Variants in CWC27 observed in about 807,000 individuals in gnomAD.
CWC27 encodes CWC27 spliceosome associated cyclophilin, also known as spliceosome-associated protein CWC27 homolog.
Under a neutral mutation model 63.6 loss-of-function variants are expected in CWC27, and 47 were observed. The ratio of observed to expected loss-of-function variants is 0.74; its 90% CI spans 0.58 to 0.94. The LOEUF (loss-of-function observed/expected upper bound fraction) is 0.94, where lower values mean the gene tolerates loss of function less well. Among genes scored for constraint, CWC27 ranks in the 40% least tolerant of loss-of-function variants. The pLI is 0.00. For synonymous variants in CWC27, 175 were observed against 179.8 expected (o/e 0.97, Z 0.22); for missense variants, 495 against 554.3 (o/e 0.89, Z 1.07).
At chr5:64,950,367 T>A (rs1403691015) in intron 11 of CWC27, among the ~76,000 whole-genome samples, 1 of 151,954 alleles carries the variant, frequency 6.6e-6, no homozygotes, top group African/African-American at 2.4e-5. Flanking sequence ...ATAAATTTTA[T>A]TATACTAGAA....
At chr5:64,792,362 A>C (rs1993626) in intron 7 of CWC27, among the ~76,000 whole-genome samples, 78,803 of 151,900 alleles carry the variant, frequency 0.52, 21,134 homozygotes, top group East Asian at 0.84. Flanking sequence ...TTTAGCAGAT[A>C]TGAATGATTT....
chr5:64,994,655 C>A (rs1338305266), intron 13 of CWC27, among the ~76,000 whole-genome samples: 3 of 152,044 alleles, frequency 2.0e-5, no homozygotes, highest in Admixed American at 6.6e-5. Context: ...TCTAGCTAGT[C>A]CCCTCCCCAC....
At chr5:64,990,129 G>A (rs1173477557) in intron 13 of CWC27, among the ~76,000 whole-genome samples, 1 of 151,936 alleles carries the variant, frequency 6.6e-6, no homozygotes, top group Non-Finnish European at 1.5e-5. Flanking sequence ...TCAACTGAAT[G>A]ATCAACTGCA....
chr5:64,953,176 A>C (rs1748742892), intron 11 of CWC27, among the ~76,000 whole-genome samples: 1 of 152,162 alleles, frequency 6.6e-6, no homozygotes, highest in Admixed American at 6.6e-5. Context: ...CTATTAAGAA[A>C]GAATCCAGTA....
chr5:64,937,921 C>CTTTTTTTTTTTTTTTTT (rs1211082437), intron 11 of CWC27, among the ~76,000 whole-genome samples: 18 of 99,298 alleles, frequency 1.8e-4, no homozygotes, highest in African/African-American at 8.0e-4. Context: ...GCAATCTCTG[C>CTTTTTTTTTTTTTTTTT]TTTTTTTTTT....
At chr5:64,891,242 CAATT>C (rs1304034827) in intron 11 of CWC27, among the ~76,000 whole-genome samples, 4 of 152,000 alleles carry the variant, frequency 2.6e-5, no homozygotes, top group Admixed American at 6.6e-5. Flanking sequence ...TCATTTTAAT[CAATT>C]AAAGATAAAG....
intron 11 of CWC27, among the ~76,000 whole-genome samples, chr5:64,916,509 C>T (rs919833306): frequency 6.6e-6 from 1 of 152,142 alleles, no homozygotes; most frequent in African/African-American, 2.4e-5. Context: ...TAAATAGTTA[C>T]ACTTTAGGAG....
rs1243826759 is a variant in CWC27 at position 64,804,386 on chromosome 5, G to A, written c.938G>A (p.Ser313Asn). ...GEVEKKSVSR[S>N]EELRKEARQL... Reference sequence around the variant, plus strand: ...GTGGAGAAGAAATCAGTCAGCCGCAGGTGAGTCAGTTACTGTGCTAGATAT... The same window carrying A: ...GTGGAGAAGAAATCAGTCAGCCGCAAGTGAGTCAGTTACTGTGCTAGATAT... Residue 313 changes from serine to asparagine, a missense_variant and splice_region_variant, in exon 10 of 14, where the codon AGT (serine) becomes AAT (asparagine). Transcript: ENST00000381070. 6.2e-7 allele frequency: 1 copy of A among 1,609,388 alleles called. No individual in the cohort carries two copies. Among genetic ancestry groups the A allele is most frequent in the South Asian group, 1.1e-5 (1 of 90,510 alleles).
At chr5:64,825,257 A>G (rs747873319) in intron 10 of CWC27, among the ~76,000 whole-genome samples, 1 of 152,174 alleles carries the variant, frequency 6.6e-6, no homozygotes, top group Non-Finnish European at 1.5e-5. Context: ...CCATGCTTAT[A>G]GTTTTGCATG....
At chr5:64,810,702 T>A (rs973720228) in intron 10 of CWC27, among the ~76,000 whole-genome samples, 1 of 152,116 alleles carries the variant, frequency 6.6e-6, no homozygotes, top group Non-Finnish European at 1.5e-5. Context: ...GCAATATACT[T>A]TATCAAAGCT....
intron 11 of CWC27, among the ~76,000 whole-genome samples, chr5:64,915,856 T>C (rs1385682884): frequency 6.6e-6 from 1 of 152,198 alleles, no homozygotes; most frequent in Non-Finnish European, 1.5e-5. Context: ...TAAGAAAACC[T>C]GTATCATGGA....
intron 10 of CWC27, among the ~76,000 whole-genome samples, chr5:64,840,051 C>A (rs1052913346): frequency 6.6e-6 from 1 of 152,038 alleles, no homozygotes; most frequent in South Asian, 2.1e-4. Context: ...AGGCTCCCTG[C>A]CAGGGACATA....
At chr5:64,787,237 TTTG>T (rs1743920505) in intron 6 of CWC27, among the ~76,000 whole-genome samples, 1 of 152,068 alleles carries the variant, frequency 6.6e-6, no homozygotes, top group Admixed American at 6.6e-5. Flanking sequence ...TGTTTGTTTG[TTTG>T]TTTGTTTGTT....
rs556907883 is a variant in CWC27 at position 64,797,070 on chromosome 5, C to G, written c.670-3178C>G. Among the ~76,000 whole-genome samples the G allele has an allele frequency of 9.3e-5, 14 of 150,988 alleles. No homozygotes were observed. The East Asian group carries it at 2.7e-3, about 29-fold the overall frequency. ...CCAGATAACATAATTTTTCTGTGTC[C>G]CTCTGATTTTCATTTTTACATTTGT... On this transcript the variant is annotated intron_variant, in intron 7 of 13. Coordinates refer to ENST00000381070, the MANE Select transcript of CWC27 (RefSeq NM_005869.4).
At chr5:64,851,710 A>G (rs996791767) in intron 10 of CWC27, among the ~76,000 whole-genome samples, 2 of 152,184 alleles carry the variant, frequency 1.3e-5, no homozygotes, top group Admixed American at 6.5e-5. Flanking sequence ...AATACTAGAA[A>G]ATGTTTGAAA....
intron 11 of CWC27, among the ~76,000 whole-genome samples, chr5:64,913,368 A>C (rs968712634): frequency 1.3e-5 from 2 of 152,080 alleles, no homozygotes; most frequent in African/African-American, 4.8e-5. Context: ...GATTTACTGG[A>C]GATCCCAGCC....
chr5:64,863,362 T>C (rs1029365248), intron 10 of CWC27, among the ~76,000 whole-genome samples: 1 of 152,132 alleles, frequency 6.6e-6, no homozygotes, highest in Non-Finnish European at 1.5e-5. Context: ...TACTCAAGAC[T>C]AATAAAATAC....
intron 10 of CWC27, among the ~76,000 whole-genome samples, chr5:64,879,543 C>G (rs1746886418): frequency 6.6e-6 from 1 of 151,816 alleles, no homozygotes; most frequent in Non-Finnish European, 1.5e-5. Flanking sequence ...CCTAAGTGTC[C>G]TAAGACACTC....
chr5:64,970,995 G>A (rs1749116052), intron 11 of CWC27, among the ~76,000 whole-genome samples: 1 of 143,228 alleles, frequency 7.0e-6, no homozygotes, highest in South Asian at 2.1e-4. Flanking sequence ...GTGTGTGTGT[G>A]TGTGTTTTAG....
Sources: gnomAD v4.1 joint callset for allele counts (sites outside exome capture counted in the v4.1 genomes callset) on GRCh38, gnomAD v4.1.1 for gene constraint, MANE v1.5 for transcripts, NCBI Gene and HGNC (gene_info 2026-07-23, HGNC 2026-07-21) for gene names.